DHRSX: variants seen among roughly 807,000 people sequenced by gnomAD.
DHRSX encodes the protein dehydrogenase/reductase X-linked, also known as polyprenol dehydrogenase.
Under a neutral mutation model 34.0 loss-of-function variants are expected in DHRSX, and 31 were observed. The observed-to-expected ratio is 0.91, with a 90% CI of 0.69 to 1.23. DHRSX has a LOEUF of 1.23. Ranked by LOEUF, DHRSX falls within the 50% of genes most tolerant of loss-of-function variation. The pLI, the probability that DHRSX is intolerant of heterozygous loss-of-function variation, is 0.00. For missense variants in DHRSX, 414 were observed against 428.1 expected, an observed-to-expected ratio of 0.97 and a Z score of 0.29; for synonymous variants, 201 against 183.8, an observed-to-expected ratio of 1.09 and a Z score of -0.76.
intron 3 of DHRSX, among the ~76,000 whole-genome samples, chrX:2,323,954 G>A (rs2042344122): frequency 2.0e-5 from 3 of 150,566 alleles, no homozygotes; most frequent in Admixed American, 6.6e-5. Context: ...CTACTTGGGA[G>A]GCTGAGATGT....
intron 1 of DHRSX, among the ~76,000 whole-genome samples, chrX:2,493,833 G>A (rs2045218411): frequency 6.6e-6 from 1 of 152,110 alleles, no homozygotes; most frequent in Admixed American, 6.6e-5. Context: ...GCCGGGCGTG[G>A]TAGTGGCACA....
At chrX:2,323,334 C>G (rs1160950149) in intron 3 of DHRSX, among the ~76,000 whole-genome samples, 1 of 152,132 alleles carries the variant, frequency 6.6e-6, no homozygotes, top group Non-Finnish European at 1.5e-5. Context: ...CTACGGGATG[C>G]TACAGAAACA....
intron 1 of DHRSX, among the ~76,000 whole-genome samples, chrX:2,426,356 T>TTTCC (rs941391569): frequency 6.6e-6 from 1 of 152,016 alleles, no homozygotes; most frequent in Non-Finnish European, 1.5e-5. Flanking sequence ...TCTCTCCATC[T>TTTCC]TTCCTTCCTT....
chrX:2,421,934 T>C (rs2043785593), intron 2 of DHRSX, among the ~76,000 whole-genome samples: 1 of 152,202 alleles, frequency 6.6e-6, no homozygotes, highest in African/African-American at 2.4e-5. Flanking sequence ...ATTCGTAACA[T>C]GATGACTTTT....
chrX:2,456,981 C>T (rs1046617337), intron 1 of DHRSX, among the ~76,000 whole-genome samples: 4 of 151,936 alleles, frequency 2.6e-5, no homozygotes, highest in African/African-American at 9.7e-5. Flanking sequence ...AGGACAGTGG[C>T]TGGAGAATGT....
chrX:2,262,666 G>A (rs1207706217), intron 5 of DHRSX, among the ~76,000 whole-genome samples: 3 of 152,222 alleles, frequency 2.0e-5, no homozygotes, highest in African/African-American at 4.8e-5. Flanking sequence ...CACAGGCCCT[G>A]CTCTCCCTGC....
chrX:2,468,402 G>C (rs2044530282), intron 1 of DHRSX, among the ~76,000 whole-genome samples: 1 of 150,748 alleles, frequency 6.6e-6, no homozygotes, highest in Non-Finnish European at 1.5e-5. Flanking sequence ...TGGGATGGTC[G>C]CTGACAGAGG....
chrX:2,286,128 G>A (rs968589581), intron 4 of DHRSX, among the ~76,000 whole-genome samples: 6 of 151,948 alleles, frequency 3.9e-5, no homozygotes, highest in Non-Finnish European at 7.4e-5. Flanking sequence ...TGCACACCAC[G>A]AAGATGAATT....
chrX:2,442,387 G>A (rs2044074132), intron 1 of DHRSX, among the ~76,000 whole-genome samples: 2 of 150,428 alleles, frequency 1.3e-5, no homozygotes, highest in South Asian at 4.2e-4. Flanking sequence ...TTGTTCAAAG[G>A]TCAACTGTAT....
chrX:2,481,689 T>G (rs1399614208), intron 1 of DHRSX, among the ~76,000 whole-genome samples: 1 of 151,608 alleles, frequency 6.6e-6, no homozygotes, highest in Non-Finnish European at 1.5e-5. Flanking sequence ...GTATCCACAC[T>G]GCAGCATGGA....
intron 5 of DHRSX, among the ~76,000 whole-genome samples, chrX:2,252,150 A>C (rs1405411052): frequency 6.6e-6 from 1 of 152,086 alleles, no homozygotes. Flanking sequence ...AGGCAGGAGA[A>C]TCCTTGAACC....
At chrX:2,336,648 G>A (rs1354905106) in intron 3 of DHRSX, among the ~76,000 whole-genome samples, 2 of 150,800 alleles carry the variant, frequency 1.3e-5, no homozygotes, top group African/African-American at 2.4e-5. Context: ...TGCCCAGGCT[G>A]GAGTGCAAAG....
At chrX:2,452,626 G>A (rs1025279967) in intron 1 of DHRSX, among the ~76,000 whole-genome samples, 1 of 151,978 alleles carries the variant, frequency 6.6e-6, no homozygotes, top group Non-Finnish European at 1.5e-5. Flanking sequence ...CGTTCCCTAC[G>A]CATGCGGCCA....
At chrX:2,319,668 C>A (rs141425883) in intron 3 of DHRSX, among the ~76,000 whole-genome samples, 1,948 of 150,168 alleles carry the variant, frequency 0.013, 56 homozygotes, top group African/African-American at 0.045. Flanking sequence ...ATATACATAA[C>A]ATACAAACTA....
intron 1 of DHRSX, chrX:2,489,907 A>G (rs2045080551): frequency 6.2e-7 from 1 of 1,613,720 alleles, no homozygotes; most frequent in Admixed American, 1.7e-5. Flanking sequence ...TGTCCTTGCC[A>G]TAGTTGGTGG....
chrX:2,387,078 C>T (rs7391605), intron 3 of DHRSX, among the ~76,000 whole-genome samples: 50,597 of 151,976 alleles, frequency 0.33, 9,575 homozygotes, highest in Admixed American at 0.47. Context: ...ATTCTGCAGA[C>T]AGTGACAGCT....
intron 2 of DHRSX, among the ~76,000 whole-genome samples, chrX:2,412,848 A>G (rs1190801587): frequency 6.6e-6 from 1 of 152,194 alleles, no homozygotes; most frequent in Non-Finnish European, 1.5e-5. Flanking sequence ...CAAATCCCAC[A>G]TGATCTCACC....
At chrX:2,385,148 A>G (rs868421994) in intron 3 of DHRSX, among the ~76,000 whole-genome samples, 2 of 125,730 alleles carry the variant, frequency 1.6e-5, no homozygotes, top group African/African-American at 6.5e-5. Flanking sequence ...ATGTGTATAT[A>G]TATGTGTGTG....
At chrX:2,236,046 G>GA (rs2016006893) in intron 6 of DHRSX, among the ~76,000 whole-genome samples, 1 of 151,870 alleles carries the variant, frequency 6.6e-6, no homozygotes, top group East Asian at 1.9e-4. Context: ...TGGGACGCAG[G>GA]GGTTGCAGTG....
Sources: gnomAD v4.1 joint callset for allele counts (sites outside exome capture counted in the v4.1 genomes callset) on GRCh38, gnomAD v4.1.1 for gene constraint, MANE v1.5 for transcripts, NCBI Gene and HGNC (gene_info 2026-07-23, HGNC 2026-07-21) for gene names.